The following HCK variants were observed in gnomAD, a reference collection of about 807,000 sequenced individuals.
HCK encodes the protein tyrosine-protein kinase HCK.
HCK carries 40 observed loss-of-function variants against 70.4 expected under a neutral mutation model. The observed-to-expected ratio is 0.57, with a 90% CI of 0.44 to 0.74. HCK has a LOEUF of 0.74. Ranked by LOEUF, HCK falls within the 30% of genes least tolerant of loss-of-function variation. HCK has a pLI of 0.00. For missense variants in HCK, 568 were observed against 697.2 expected (o/e 0.81, Z 2.09); for synonymous variants, 245 against 263.2 (o/e 0.93, Z 0.67).
At chr20:32,098,869 C>A in intron 11 of HCK, 135 bp from the exon 12 acceptor site, 2 of 917,014 alleles carry the variant, frequency 2.2e-6, no homozygotes, top group Non-Finnish European at 3.3e-6. Flanking sequence ...CACAGGGAGG[C>A]CACGTATCAG....
intron 4 of HCK, among the ~76,000 whole-genome samples, chr20:32,074,334 G>A (rs760588334): frequency 2.9e-4 from 44 of 152,184 alleles, no homozygotes; most frequent in African/African-American, 7.5e-4. Context: ...CATGGGTATA[G>A]CTAATAAGAC....
chr20:32,086,220 C>T (rs530307131), intron 8 of HCK, among the ~76,000 whole-genome samples: 4 of 152,266 alleles, frequency 2.6e-5, no homozygotes, highest in African/African-American at 7.2e-5. Flanking sequence ...GGGGTTTCAC[C>T]GTGTTAGCCA....
At chr20:32,062,302 C>T (rs1171041063) in intron 1 of HCK, among the ~76,000 whole-genome samples, 3 of 152,170 alleles carry the variant, frequency 2.0e-5, no homozygotes, top group African/African-American at 7.2e-5. Context: ...AAACCCAGCT[C>T]TATCTGACTT....
In HCK at chr20:32,073,619, G is replaced by C. The variant is rs537874864; in HGVS notation, c.227-97G>C. On this transcript the variant is annotated intron_variant, in intron 3 of 12. Transcript: ENST00000375852. The stretch of plus-strand genomic sequence containing the variant: ...CTACTTATACTTGGAACCACATATC[G>C]ATGGGTGCGGAGCTGTTCCAGGTGC... The C allele has an allele frequency of 5.1e-5, 39 of 766,980 alleles. No individual in the cohort carries two copies. The Admixed American group carries it at 8.8e-4, about 17-fold the overall frequency. 47.5% of individuals were successfully genotyped at this position (766,980 alleles called of 1,614,324 possible).
At chr20:32,069,498 T>C (rs938026895) in intron 1 of HCK, among the ~76,000 whole-genome samples, 4 of 152,222 alleles carry the variant, frequency 2.6e-5, no homozygotes, top group Admixed American at 2.0e-4. Flanking sequence ...TTTTATGTCA[T>C]ATATGTCACA....
rs928378358 is a variant in HCK at position 32,052,506 on chromosome 20, G to T, written c.62+20G>T. The T allele has an allele frequency of 5.5e-6, 7 of 1,263,390 alleles. No homozygotes were observed. The Middle Eastern group carries it at 8.8e-4, about 159-fold the overall frequency. 78.3% of individuals were successfully genotyped at this position (1,263,390 alleles called of 1,614,324 possible). A position where few individuals can be genotyped will look rare whatever the true frequency, so the allele number is the denominator to read the frequency against. ...GCCCAGGTGAGTGCCGCGCACAGGGGACCGGGAATACCCGGCCCGCGAGGG... is the reference window on the plus strand; with the variant it reads ...GCCCAGGTGAGTGCCGCGCACAGGGTACCGGGAATACCCGGCCCGCGAGGG... On this transcript the variant is annotated intron_variant, in intron 1 of 12. Coordinates refer to ENST00000375852, the MANE Select transcript of HCK (RefSeq NM_002110.5).
chr20:32,098,032 TA>T (rs1465164976), intron 11 of HCK, among the ~76,000 whole-genome samples: 3 of 130,668 alleles, frequency 2.3e-5, no homozygotes, highest in African/African-American at 1.1e-4. Context: ...TCTATTTTTT[TA>T]TATTTTATTT....
chr20:32,099,250 C>A, intron 12 of HCK, 115 bp downstream of exon 12: 1 of 1,129,450 alleles, frequency 8.9e-7, no homozygotes, highest in Non-Finnish European at 1.3e-6. Context: ...AACCTTCCCT[C>A]ACCTTTCCTG....
rs751356172 is a variant in HCK at position 32,093,938 on chromosome 20, T to C, written c.1168T>C (p.Ser390Pro). ...CCTCCGAGCTGCCAACATCTTGGTC[T>C]CTGCATCCCTGGTGTGTAAGATTGC... Residue 390 changes from serine (S) to proline (P), a missense_variant, in exon 11 of 13, where the codon TCT (serine) becomes CCT (proline). Coordinates refer to ENST00000375852, the MANE Select transcript of HCK (RefSeq NM_002110.5). 6.2e-7 allele frequency: 1 copy of C among 1,613,726 alleles called. No homozygotes were observed. Among genetic ancestry groups the C allele is most frequent in the Non-Finnish European group, 8.5e-7 (1 of 1,179,910 alleles).
chr20:32,055,342 A>G (rs2045254315), intron 1 of HCK, among the ~76,000 whole-genome samples: 1 of 152,208 alleles, frequency 6.6e-6, no homozygotes, highest in Non-Finnish European at 1.5e-5. Flanking sequence ...CTTACTCACT[A>G]TGCCTGGCAC....
Position 32,052,431 on chromosome 20 carries a change from G to A in HCK, c.7G>A (p.Gly3Arg). 1 of 1,283,700 alleles carries A rather than the reference G, an allele frequency of 7.8e-7. No homozygotes were observed. Among genetic ancestry groups the A allele is most frequent in the Non-Finnish European group, 9.9e-7 (1 of 1,006,174 alleles). The allele number at this position is 1,283,700 out of a possible 1,614,324, so 79.5% of individuals were successfully genotyped here. The change falls in exon 1 of 13, where the codon GGG (glycine) becomes AGG (arginine). Residue 3 changes from glycine to arginine, a missense_variant. By Grantham distance (125) the Gly-to-Arg change is moderately radical. Around this residue, in one of 4 missense-constraint regions of HCK, gnomAD observed 318 missense variants for 336.0 expected, o/e 0.95. Coordinates refer to ENST00000375852, the MANE Select transcript of HCK (RefSeq NM_002110.5). Reference sequence around the variant, plus strand: ...AACCTCAGGGGCTGCCGAGCTGGGGGGGCGCTCAAGCTGCGAGGATCCGGG... The same window carrying A: ...AACCTCAGGGGCTGCCGAGCTGGGGAGGCGCTCAAGCTGCGAGGATCCGGG...
chr20:32,073,816 G>A lies in HCK; in HGVS notation c.327G>A (p.Glu109=). Residue 109 remains glutamate (E), a splice_region_variant and synonymous_variant, in exon 4 of 13, where the codon GAG becomes GAA. Coordinates refer to ENST00000375852, the MANE Select transcript of HCK (RefSeq NM_002110.5). ...AGGGGGACCAGATGGTGGTCCTAGA[G>A]GAGTGAGTCCCCATCCCACTCCCCC... 1 of 1,540,300 alleles carries A rather than the reference G, an allele frequency of 6.5e-7. No individual in the cohort carries two copies.
chr20:32,092,573 GA>G (rs2045878943), intron 10 of HCK, among the ~76,000 whole-genome samples: 1 of 152,092 alleles, frequency 6.6e-6, no homozygotes, highest in Non-Finnish European at 1.5e-5. Flanking sequence ...ATGTACATCA[GA>G]ACATGTCACG....
rs1421747250 is a variant in HCK at position 32,101,598 on chromosome 20, C to T, written c.*79C>T. The T allele has an allele frequency of 1.7e-6, 2 of 1,195,060 alleles. No homozygotes were observed. Among genetic ancestry groups the T allele is most frequent in the African/African-American group, 3.0e-5 (2 of 66,624 alleles). The allele number at this position is 1,195,060 out of a possible 1,614,324, so 74.0% of individuals were successfully genotyped here. A position where few individuals can be genotyped will look rare whatever the true frequency, so the allele number is the denominator to read the frequency against. Reference sequence around the variant, plus strand: ...CTCCAGCACCATCCGCCAGGGCCCACACCCCCTTCCTACTCCCAGACACCC... The same window carrying T: ...CTCCAGCACCATCCGCCAGGGCCCATACCCCCTTCCTACTCCCAGACACCC... On this transcript the variant is annotated 3_prime_UTR_variant, in exon 13 of 13. Coordinates refer to ENST00000375852, the MANE Select transcript of HCK (RefSeq NM_002110.5).
intron 2 of HCK, among the ~76,000 whole-genome samples, chr20:32,072,806 C>G (rs115501610): frequency 2.0e-5 from 3 of 152,074 alleles, no homozygotes; most frequent in South Asian, 4.2e-4. Context: ...CATCCAAGAC[C>G]GAAGGCCGAG....
chr20:32,086,442 G>A (rs2045787691), intron 8 of HCK, among the ~76,000 whole-genome samples, 186 bp from the exon 9 acceptor site: 1 of 152,244 alleles, frequency 6.6e-6, no homozygotes, highest in African/African-American at 2.4e-5. Flanking sequence ...CAGCTGGGAA[G>A]TGGTGAACCC....
intron 5 of HCK, among the ~76,000 whole-genome samples, chr20:32,078,057 CAG>C (rs768354456): frequency 2.0e-5 from 3 of 150,568 alleles, no homozygotes; most frequent in Non-Finnish European, 4.4e-5. Flanking sequence ...GTTTTTGAGA[CAG>C]AGTCTCGCTC....
At chr20:32,082,581 G>T (rs1207017490) in intron 6 of HCK, among the ~76,000 whole-genome samples, 2 of 152,114 alleles carry the variant, frequency 1.3e-5, no homozygotes, top group Non-Finnish European at 2.9e-5. Flanking sequence ...GGCAGAGATT[G>T]CAGTGAGCCA....
intron 6 of HCK, among the ~76,000 whole-genome samples, chr20:32,081,261 G>A (rs984779517): frequency 6.6e-6 from 1 of 152,198 alleles, no homozygotes; most frequent in African/African-American, 2.4e-5. Context: ...AAGTTTTAAT[G>A]TCAGGTGACC....
Sources: gnomAD v4.1 joint callset for allele counts (sites outside exome capture counted in the v4.1 genomes callset) on GRCh38, gnomAD v4.1.1 for gene constraint, gnomAD v4.1.1 regional missense constraint, MANE v1.5 for transcripts, NCBI Gene and HGNC (gene_info 2026-07-23, HGNC 2026-07-21) for gene names.